KLHL1: variants seen among roughly 807,000 people sequenced by gnomAD.
KLHL1 encodes the protein kelch-like protein 1.
Under a neutral mutation model 77.7 loss-of-function variants are expected in KLHL1, and 47 were observed. The observed-to-expected ratio is 0.60, with a 90% confidence interval of 0.48 to 0.77. The LOEUF (loss-of-function observed/expected upper bound fraction) is 0.77, where lower values mean the gene tolerates loss of function less well. Ranked by LOEUF, KLHL1 falls within the 30% of genes least tolerant of loss-of-function variation. The pLI is 0.00. For missense variants in KLHL1, 925 were observed against 910.8 expected (o/e 1.02, Z -0.20); for synonymous variants, 360 against 325.2 (o/e 1.11, Z -1.15).
intron 2 of KLHL1, among the ~76,000 whole-genome samples, chr13:69,962,239 C>CTTT (rs1418766324): frequency 6.6e-6 from 1 of 151,862 alleles, no homozygotes; most frequent in Non-Finnish European, 1.5e-5. Context: ...ATACTATCTA[C>CTTT]TTTTTATTCT....
intron 7 of KLHL1, among the ~76,000 whole-genome samples, chr13:69,744,033 A>C (rs2137935551): frequency 6.6e-6 from 1 of 152,256 alleles, no homozygotes; most frequent in East Asian, 1.9e-4. Flanking sequence ...ACAGTTCAAG[A>C]CAATGTTAGA....
At chr13:70,030,563 A>G (rs1016738746) in intron 1 of KLHL1, among the ~76,000 whole-genome samples, 4 of 152,220 alleles carry the variant, frequency 2.6e-5, no homozygotes, top group Non-Finnish European at 2.9e-5. Context: ...AAGACACAAC[A>G]TACCAGAACC....
At chr13:69,946,073 C>A (rs536815170) in intron 3 of KLHL1, among the ~76,000 whole-genome samples, 69 of 152,062 alleles carry the variant, frequency 4.5e-4, no homozygotes, top group Admixed American at 4.5e-3. Context: ...GTGAAAGAAA[C>A]CAGACAGAAA....
rs541481735 is a variant in KLHL1, at chr13:69,877,141, A to G, written c.1227+5142T>C. ...ACCATGATAAAACTGAATTCCCCTG[A>G]GCACCTTTTGACTTGATAATATGTA... is the stretch of plus-strand genomic sequence containing the variant. On this transcript the variant is annotated intron_variant, in intron 5 of 10. Transcript: ENST00000377844. Among the ~76,000 whole-genome samples, 3 of 152,258 alleles carry G rather than the reference A, an allele frequency of 2.0e-5. No homozygotes were observed. The South Asian group carries it at 6.2e-4, about 32-fold the overall frequency.
rs572633100 is a variant in KLHL1, at chr13:69,990,840, A to G, written c.498-15038T>C. Among the ~76,000 whole-genome samples the G allele has an allele frequency of 9.2e-5, 14 of 152,050 alleles. No homozygotes were observed. In the South Asian group the frequency reaches 2.9e-3, roughly 32 times the overall value. Reference sequence around the variant, plus strand: ...CATCTCCAGAACTCTCCACTCAGAGATGACAGAATATATACTTTTTGTTGT... The same window carrying G: ...CATCTCCAGAACTCTCCACTCAGAGGTGACAGAATATATACTTTTTGTTGT... On this transcript the variant is annotated intron_variant, in intron 1 of 10. Coordinates refer to ENST00000377844, the MANE Select transcript of KLHL1 (RefSeq NM_020866.3).
At chr13:69,750,942 A>T (rs1053310547) in intron 7 of KLHL1, among the ~76,000 whole-genome samples, 3 of 152,066 alleles carry the variant, frequency 2.0e-5, no homozygotes, top group African/African-American at 7.2e-5. Flanking sequence ...TGAGGTCCAG[A>T]CACAGAGATG....
At chr13:69,719,245 A>G (rs1159860708) in intron 9 of KLHL1, 124 bp downstream of exon 9, 4 of 698,924 alleles carry the variant, frequency 5.7e-6, no homozygotes, top group Admixed American at 2.5e-5. Context: ...AAAGGAGTTA[A>G]AAATGTATCT....
chr13:69,781,971 T>G (rs999819852), intron 7 of KLHL1, among the ~76,000 whole-genome samples: 7 of 152,228 alleles, frequency 4.6e-5, no homozygotes, highest in African/African-American at 1.7e-4. Flanking sequence ...AAACTTTTAT[T>G]CAATACTCAA....
chr13:69,895,292 ACTT>A (rs1267141796), intron 4 of KLHL1, among the ~76,000 whole-genome samples: 2 of 151,914 alleles, frequency 1.3e-5, no homozygotes, highest in Non-Finnish European at 2.9e-5. Context: ...AGAGGTTCAC[ACTT>A]CTTTTCTTGT....
intron 1 of KLHL1, among the ~76,000 whole-genome samples, chr13:70,040,919 G>A (rs1288304561): frequency 1.3e-5 from 2 of 151,900 alleles, no homozygotes; most frequent in Non-Finnish European, 2.9e-5. Context: ...GTTCAGTTTT[G>A]TTTTCCAGTC....
intron 7 of KLHL1, among the ~76,000 whole-genome samples, chr13:69,754,029 T>A (rs1272948768): frequency 6.6e-6 from 1 of 151,580 alleles, no homozygotes; most frequent in African/African-American, 2.4e-5. Flanking sequence ...TTAGTAGAGA[T>A]GGGGGTGTAC....
chr13:69,883,033 A>G (rs1881060788), intron 4 of KLHL1, among the ~76,000 whole-genome samples: 1 of 151,904 alleles, frequency 6.6e-6, no homozygotes, highest in Non-Finnish European at 1.5e-5. Flanking sequence ...TCTCATGACA[A>G]TTTCTTTGGC....
intron 6 of KLHL1, among the ~76,000 whole-genome samples, chr13:69,810,083 G>A (rs959930317): frequency 6.6e-6 from 1 of 152,062 alleles, no homozygotes; most frequent in Non-Finnish European, 1.5e-5. Context: ...CAGCCACAAA[G>A]TAATAGTGGC....
At chr13:69,921,341 G>A (rs967509883) in intron 4 of KLHL1, among the ~76,000 whole-genome samples, 11 of 152,150 alleles carry the variant, frequency 7.2e-5, no homozygotes, top group African/African-American at 2.7e-4. Context: ...GCCATAATGG[G>A]ATTCTATCCA....
chr13:70,074,484 TG>T (rs1362028853), intron 1 of KLHL1, among the ~76,000 whole-genome samples: 1 of 151,986 alleles, frequency 6.6e-6, no homozygotes, highest in Non-Finnish European at 1.5e-5. Flanking sequence ...ATCCCACCAC[TG>T]ATTGATTATC....
Position 69,975,801 on chromosome 13 carries a change from G to T in KLHL1, c.499C>A (p.Leu167Met). ...QATGEGCGHR[L>M]SSTGHSMTPQ... The stretch of plus-strand genomic sequence containing the variant: ...GTCATTGAATGGCCGGTTGATGACA[G>T]CCTATAAACCACACACACACACACA... Residue 167 changes from leucine (L) to methionine (M), a missense_variant and splice_region_variant, in exon 2 of 11, where the codon CTG becomes ATG. Transcript: ENST00000377844. 1 of 1,603,492 alleles carries T rather than the reference G, an allele frequency of 6.2e-7. No homozygotes were observed. The highest frequency in any genetic ancestry group is 8.5e-7 in the Non-Finnish European group (1 of 1,176,104).
intron 1 of KLHL1, among the ~76,000 whole-genome samples, chr13:70,000,591 T>C (rs114181697): frequency 2.0e-5 from 3 of 151,848 alleles, no homozygotes; most frequent in Non-Finnish European, 4.4e-5. Flanking sequence ...ATAAGTGACA[T>C]GAAATACATT....
chr13:69,719,659 A>G (rs1872953717), intron 8 of KLHL1, 78 bp from the exon 9 acceptor site: 1 of 1,115,408 alleles, frequency 9.0e-7, no homozygotes, highest in Non-Finnish European at 1.3e-6. Flanking sequence ...TTTAAAATAA[A>G]TTTTCACAGT....
At chr13:69,858,364 C>T (rs1880005101) in intron 5 of KLHL1, among the ~76,000 whole-genome samples, 1 of 152,046 alleles carries the variant, frequency 6.6e-6, no homozygotes, top group Non-Finnish European at 1.5e-5. Flanking sequence ...AACTGTTAAC[C>T]ACATGGAGTT....
Sources: allele counts gnomAD v4.1 joint callset (sites outside exome capture counted in the v4.1 genomes callset), GRCh38; gene constraint gnomAD v4.1.1; transcripts MANE v1.5; gene names NCBI Gene and HGNC (gene_info 2026-07-23, HGNC 2026-07-21).